The following N4BP2L2 variants were observed in gnomAD, a reference collection of about 807,000 sequenced individuals.
N4BP2L2 encodes NEDD4 binding protein 2 like 2.
N4BP2L2 carries 50 observed loss-of-function variants against 56.2 expected under a neutral mutation model. That is an observed-to-expected ratio of 0.89 (90% CI 0.71 to 1.13). The LOEUF is 1.13. Among genes scored for constraint, N4BP2L2 ranks in the 50% most tolerant of loss-of-function variants. N4BP2L2 has a pLI of 0.00. For synonymous variants in N4BP2L2, 203 were observed against 223.6 expected, an observed-to-expected ratio of 0.91 and a Z score of 0.82; for missense variants, 689 against 693.8, an observed-to-expected ratio of 0.99 and a Z score of 0.08.
At chr13:32,484,817 A>G (rs942906945) in intron 6 of N4BP2L2, among the ~76,000 whole-genome samples, 10 of 152,290 alleles carry the variant, frequency 6.6e-5, no homozygotes, top group Middle Eastern at 3.4e-3. Context: ...TAGAAAATAC[A>G]ATCTTGCCTT....
intron 6 of N4BP2L2, among the ~76,000 whole-genome samples, chr13:32,465,279 ATTC>A (rs1304599883): frequency 6.6e-6 from 1 of 152,028 alleles, no homozygotes; most frequent in Non-Finnish European, 1.5e-5. Flanking sequence ...TCTAGAAAAA[ATTC>A]TTCTTCACAG....
intron 6 of N4BP2L2, among the ~76,000 whole-genome samples, chr13:32,476,039 T>G (rs1388663208): frequency 6.6e-6 from 1 of 152,202 alleles, no homozygotes; most frequent in Non-Finnish European, 1.5e-5. Context: ...TTTCCAGGAA[T>G]GTAGTAAGTA....
intron 6 of N4BP2L2, among the ~76,000 whole-genome samples, chr13:32,469,618 G>A (rs879861497): frequency 6.6e-6 from 1 of 152,162 alleles, no homozygotes; most frequent in Non-Finnish European, 1.5e-5. Flanking sequence ...AACTAATGTC[G>A]GCAGCGTCTG....
chr13:32,491,128 T>C (rs899051172), intron 6 of N4BP2L2, among the ~76,000 whole-genome samples: 1 of 151,978 alleles, frequency 6.6e-6, no homozygotes, highest in Non-Finnish European at 1.5e-5. Flanking sequence ...AGAAAATCCA[T>C]AGTTCTGAGA....
In N4BP2L2 at chr13:32,455,758, C is replaced by T. The variant is rs983626076; in HGVS notation, c.366-11632G>A. On this transcript the variant is annotated intron_variant, in intron 6 of 9. Coordinates refer to the N4BP2L2 transcript ENST00000357505. Reference sequence around the variant, plus strand: ...CACTACCCTGGGGCCTGAGGATTGCCCCACCCTATCCACCACTGGCGGGAT... The same window carrying T: ...CACTACCCTGGGGCCTGAGGATTGCTCCACCCTATCCACCACTGGCGGGAT... 2.0e-5 allele frequency among the ~76,000 whole-genome samples: 3 copies of T among 152,116 alleles called. No homozygotes were observed. In the East Asian group the frequency reaches 5.8e-4, roughly 29 times the overall value.
intron 6 of N4BP2L2, among the ~76,000 whole-genome samples, chr13:32,488,598 C>T (rs984872275): frequency 6.6e-6 from 1 of 151,948 alleles, no homozygotes; most frequent in African/African-American, 2.4e-5. Context: ...TATCATCCCA[C>T]AATTTTAATA....
intron 1 of N4BP2L2, 74 bp downstream of exon 1, chr13:32,538,544 C>T: frequency 1.2e-6 from 1 of 832,078 alleles, no homozygotes; most frequent in Non-Finnish European, 1.4e-6. Context: ...CTAATCTAAA[C>T]AGTCCAGTCA....
intron 6 of N4BP2L2, among the ~76,000 whole-genome samples, chr13:32,458,347 G>C (rs914132883): frequency 1.3e-5 from 2 of 152,194 alleles, no homozygotes; most frequent in Admixed American, 1.3e-4. Context: ...TTACAGGCGT[G>C]AGCCACTGTG....
At chr13:32,434,388 G>A (rs776174503) in intron 9 of N4BP2L2, among the ~76,000 whole-genome samples, 4 of 151,460 alleles carry the variant, frequency 2.6e-5, no homozygotes, top group Non-Finnish European at 4.4e-5. Flanking sequence ...ATGAGCCACC[G>A]TGCCCGGCCA....
At chr13:32,481,848 T>C (rs1438431029) in intron 6 of N4BP2L2, among the ~76,000 whole-genome samples, 1 of 152,236 alleles carries the variant, frequency 6.6e-6, no homozygotes, top group East Asian at 1.9e-4. Flanking sequence ...ATGCAGATGG[T>C]GACCCTGTCA....
intron 6 of N4BP2L2, among the ~76,000 whole-genome samples, chr13:32,490,351 C>G (rs193004913): frequency 2.2e-4 from 34 of 152,258 alleles, no homozygotes; most frequent in South Asian, 1.5e-3. Context: ...GTCACCCAGG[C>G]TGGAGTGCAG....
At chr13:32,470,072 C>T (rs1489721702) in intron 6 of N4BP2L2, among the ~76,000 whole-genome samples, 1 of 152,184 alleles carries the variant, frequency 6.6e-6, no homozygotes, top group African/African-American at 2.4e-5. Flanking sequence ...TATCTTTGCA[C>T]CTTGCCATCA....
intron 6 of N4BP2L2, among the ~76,000 whole-genome samples, chr13:32,487,906 T>C (rs1442502327): frequency 6.6e-6 from 1 of 152,046 alleles, no homozygotes; most frequent in Admixed American, 6.6e-5. Flanking sequence ...TTGCCCAGGC[T>C]GGAGGGCAAC....
chr13:32,450,685 C>A (rs899331440), intron 6 of N4BP2L2, among the ~76,000 whole-genome samples: 1 of 149,562 alleles, frequency 6.7e-6, no homozygotes, highest in Admixed American at 6.6e-5. Context: ...GGCTGGAGTG[C>A]AGTGATGTGA....
intron 6 of N4BP2L2, among the ~76,000 whole-genome samples, chr13:32,450,771 C>G (rs1157399095): frequency 6.6e-6 from 1 of 152,070 alleles, no homozygotes; most frequent in Non-Finnish European, 1.5e-5. Context: ...GCTGGGACTA[C>G]AGCAGCGCCA....
chr13:32,433,612 A>T (rs1566002961), intron 9 of N4BP2L2, among the ~76,000 whole-genome samples: 1 of 148,196 alleles, frequency 6.7e-6, no homozygotes, highest in Non-Finnish European at 1.5e-5. Context: ...ACAGAGCAAG[A>T]TTCCATCTCA....
At chr13:32,478,453 C>G (rs902325283) in intron 6 of N4BP2L2, 1 of 171,374 alleles carries the variant, frequency 5.8e-6, no homozygotes, top group Non-Finnish European at 1.3e-5. Context: ...GTGAAAGGAG[C>G]AAAAGAATAT....
At chr13:32,480,585 C>G in intron 6 of N4BP2L2, 7 of 1,274,192 alleles carry the variant, frequency 5.5e-6, no homozygotes, top group Non-Finnish European at 7.2e-6. Flanking sequence ...GAGTTTCCAT[C>G]TCACCTGAGT....
At chr13:32,449,306 T>G (rs2077509591) in intron 6 of N4BP2L2, among the ~76,000 whole-genome samples, 1 of 152,232 alleles carries the variant, frequency 6.6e-6, no homozygotes, top group Non-Finnish European at 1.5e-5. Flanking sequence ...AAACAGCTGT[T>G]AAATAGGCAG....
Sources: allele counts gnomAD v4.1 joint callset (sites outside exome capture counted in the v4.1 genomes callset), GRCh38; gene constraint gnomAD v4.1.1; transcripts MANE v1.5; gene names NCBI Gene and HGNC (gene_info 2026-07-23, HGNC 2026-07-21).